Variants in GAS7 observed in about 807,000 individuals in gnomAD.
GAS7 encodes growth arrest-specific protein 7.
Under a neutral mutation model 71.1 loss-of-function variants are expected in GAS7, and 28 were observed. The ratio of observed to expected loss-of-function variants is 0.39; its 90% CI spans 0.29 to 0.54. The LOEUF (loss-of-function observed/expected upper bound fraction) is 0.54, where lower values mean the gene tolerates loss of function less well. GAS7 is among the 20% of genes least tolerant of loss of function. The probability of loss-of-function intolerance (pLI) is 0.62; values close to 1 mark genes in which losing one functional copy is unlikely to be tolerated. For missense variants in GAS7, 436 were observed against 627.8 expected (o/e 0.69, Z 3.27); for synonymous variants, 258 against 245.8 (o/e 1.05, Z -0.46).
intron 4 of GAS7, among the ~76,000 whole-genome samples, chr17:9,967,060 C>A (rs9908711): frequency 0.19 from 29,420 of 151,818 alleles, 3,198 homozygotes; most frequent in Middle Eastern, 0.29. Flanking sequence ...AGGTTACCAT[C>A]CAAAAAGAGT....
intron 3 of GAS7, among the ~76,000 whole-genome samples, chr17:9,975,540 T>C (rs2070164538): frequency 3.6e-5 from 5 of 139,860 alleles, no homozygotes; most frequent in African/African-American, 5.6e-5. Flanking sequence ...CACCCCCCCC[T>C]TTTTCCTTCC....
In GAS7 at chr17:10,154,730, G is replaced by A. The variant is rs1022000917; in HGVS notation, c.183+43478C>T. The stretch of plus-strand genomic sequence containing the variant: ...ATTCAAAACTCAGTCCAAACCCACT[G>A]GTTTCCCTGTGCTCTTAACAACTGT... On this transcript the variant is annotated intron_variant, in intron 1 of 13. Coordinates refer to ENST00000432992, the MANE Select transcript of GAS7 (RefSeq NM_201433.2). Among the ~76,000 whole-genome samples the A allele has an allele frequency of 3.9e-5, 6 of 152,088 alleles. 1 individual carries two copies. The highest frequency in any genetic ancestry group is 1.4e-4 in the African/African-American group (6 of 41,412).
rs1420165625 is a variant in GAS7 at position 10,016,996 on chromosome 17, T to C, written c.304+2781A>G. ...AAATAAAGAAATCAGCCGGGCGTGA[T>C]GACACATGCCTGCAATCCCAGCTAC... On this transcript the variant is annotated intron_variant, in intron 2 of 13. Coordinates refer to ENST00000432992, the MANE Select transcript of GAS7 (RefSeq NM_201433.2). Among the ~76,000 whole-genome samples, 4 of 150,274 alleles carry C rather than the reference T, an allele frequency of 2.7e-5. No homozygotes were observed. The South Asian group carries it at 6.3e-4, about 24-fold the overall frequency.
At chr17:10,006,244 T>C (rs937599225) in intron 2 of GAS7, among the ~76,000 whole-genome samples, 9 of 151,160 alleles carry the variant, frequency 6.0e-5, no homozygotes, top group African/African-American at 1.9e-4. Context: ...AAGGCAGGAA[T>C]GCTGTTCATC....
intron 1 of GAS7, among the ~76,000 whole-genome samples, chr17:10,049,464 A>G (rs1025200904): frequency 1.3e-5 from 2 of 152,140 alleles, no homozygotes; most frequent in Admixed American, 1.3e-4. Context: ...AGAAAGACAC[A>G]GACACATTAA....
intron 1 of GAS7, among the ~76,000 whole-genome samples, chr17:10,036,274 C>T (rs1287125576): frequency 6.6e-6 from 1 of 152,022 alleles, no homozygotes; most frequent in Admixed American, 6.6e-5. Context: ...TGAAAGGTGC[C>T]CCCTAGCACA....
intron 1 of GAS7, among the ~76,000 whole-genome samples, chr17:10,050,875 A>G (rs2073053242): frequency 6.6e-6 from 1 of 152,170 alleles, no homozygotes. Flanking sequence ...GCTTCTAGAA[A>G]CCAAAACTTC....
intron 2 of GAS7, among the ~76,000 whole-genome samples, chr17:10,015,236 T>C (rs951941547): frequency 1.3e-5 from 2 of 152,120 alleles, no homozygotes; most frequent in African/African-American, 4.8e-5. Flanking sequence ...CAACTGGTTA[T>C]AGGTGTAAAA....
At chr17:9,996,456 G>A (rs888632813) in intron 2 of GAS7, among the ~76,000 whole-genome samples, 10 of 151,450 alleles carry the variant, frequency 6.6e-5, no homozygotes, top group African/African-American at 2.2e-4. Context: ...ACCATTAGGA[G>A]ATATGCCTAA....
intron 1 of GAS7, among the ~76,000 whole-genome samples, chr17:10,158,533 T>C (rs1319067291): frequency 6.6e-6 from 1 of 152,018 alleles, no homozygotes; most frequent in African/African-American, 2.4e-5. Context: ...TGTAAGTTAA[T>C]GCTCTGTATA....
At chr17:9,929,623 C>T (rs541103854) in intron 9 of GAS7, among the ~76,000 whole-genome samples, 25 of 152,092 alleles carry the variant, frequency 1.6e-4, no homozygotes, top group Admixed American at 1.2e-3. Flanking sequence ...TACAGGCACC[C>T]GCCACCAAAC....
chr17:10,090,618 CAG>C (rs1349637652), intron 1 of GAS7, among the ~76,000 whole-genome samples: 13 of 152,138 alleles, frequency 8.5e-5, no homozygotes, highest in African/African-American at 3.1e-4. Context: ...CAGAGCCTGG[CAG>C]AGAGGGAAAA....
chr17:10,026,102 C>T lies in GAS7; in HGVS notation c.184-6205G>A, dbSNP rs578144841. 60 of 942,622 alleles carry T rather than the reference C, an allele frequency of 6.4e-5. No homozygotes were observed. The highest frequency in any genetic ancestry group is 5.4e-4 in the Middle Eastern group (1 of 1,868). 58.4% of individuals were successfully genotyped at this position (942,622 alleles called of 1,614,324 possible). A position where few individuals can be genotyped will look rare whatever the true frequency, so the allele number is the denominator to read the frequency against. On this transcript the variant is annotated intron_variant, in intron 1 of 13. Transcript: ENST00000432992. This position sits in a 1 kb window ranked among gnomAD's most constrained non-coding sequence, Gnocchi z 4.5. ...TCAACCCGGATGCCACCTCCACCTC[C>T]GGGACTCTCTCCCCCTCCGGAGGTT...
At chr17:10,138,103 C>T (rs138659770) in intron 1 of GAS7, among the ~76,000 whole-genome samples, 2,392 of 152,082 alleles carry the variant, frequency 0.016, 67 homozygotes, top group African/African-American at 0.055. Context: ...GCTGGGACTA[C>T]AGGCGCCCAC....
chr17:10,010,091 C>A (rs1336052075), intron 2 of GAS7, among the ~76,000 whole-genome samples: 8 of 152,068 alleles, frequency 5.3e-5, no homozygotes, highest in Non-Finnish European at 1.0e-4. Context: ...GATCAAGTCC[C>A]TTTACCATGC....
intron 1 of GAS7, among the ~76,000 whole-genome samples, chr17:10,183,575 C>G (rs1168055074): frequency 6.6e-6 from 1 of 152,208 alleles, no homozygotes; most frequent in African/African-American, 2.4e-5. Context: ...CGCGGTGGCT[C>G]ACGCCTGTAA....
intron 3 of GAS7, among the ~76,000 whole-genome samples, chr17:9,975,707 G>C (rs1016887609): frequency 6.6e-6 from 1 of 152,182 alleles, no homozygotes; most frequent in African/African-American, 2.4e-5. Flanking sequence ...AAAGAATTTA[G>C]GACAAACACC....
chr17:10,105,769 GTC>G, intron 1 of GAS7, among the ~76,000 whole-genome samples: 1 of 152,198 alleles, frequency 6.6e-6, no homozygotes, highest in African/African-American at 2.4e-5. Context: ...TCTTGTTTGC[GTC>G]TGTCAGCTTA....
chr17:10,144,398 C>T (rs1203708154), intron 1 of GAS7, among the ~76,000 whole-genome samples: 1 of 152,152 alleles, frequency 6.6e-6, no homozygotes, highest in Non-Finnish European at 1.5e-5. Context: ...GGACAGGCCC[C>T]AAGAGGCATT....
Sources: allele counts gnomAD v4.1 joint callset (sites outside exome capture counted in the v4.1 genomes callset), GRCh38; gene constraint gnomAD v4.1.1; non-coding constraint Gnocchi (gnomAD v3.1); transcripts MANE v1.5; gene names NCBI Gene and HGNC (gene_info 2026-07-23, HGNC 2026-07-21).